SPOPL: variants seen among roughly 807,000 people sequenced by gnomAD.
The protein encoded by SPOPL is speckle-type POZ protein-like.
SPOPL carries 23 observed loss-of-function variants against 53.8 expected under a neutral mutation model. The observed-to-expected ratio is 0.43, with a 90% CI of 0.31 to 0.61. The LOEUF is 0.61. SPOPL is among the 20% of genes least tolerant of loss of function. The pLI is 0.12. For synonymous variants in SPOPL, 164 were observed against 149.7 expected, an observed-to-expected ratio of 1.10 and a Z score of -0.70; for missense variants, 442 against 466.9, an observed-to-expected ratio of 0.95 and a Z score of 0.49.
chr2:138,508,058 T>C (rs544430514), intron 1 of SPOPL, among the ~76,000 whole-genome samples: 2 of 152,288 alleles, frequency 1.3e-5, no homozygotes, highest in East Asian at 1.9e-4. Context: ...ACCTTGGGTA[T>C]ATGGTCAATG....
At chr2:138,527,001 C>T (rs369840449) in intron 1 of SPOPL, among the ~76,000 whole-genome samples, 1 of 152,170 alleles carries the variant, frequency 6.6e-6, no homozygotes, top group African/African-American at 2.4e-5. Flanking sequence ...GCAGGGATTA[C>T]AGGCAGCAGC....
intron 5 of SPOPL, among the ~76,000 whole-genome samples, chr2:138,554,067 T>C (rs867134828): frequency 0.052 from 54 of 1,038 alleles, no homozygotes; most frequent in African/African-American, 0.085. Context: ...AGAAAATACC[T>C]TTTTTTTTTT....
chr2:138,551,630 A>C (rs564933816), intron 4 of SPOPL, among the ~76,000 whole-genome samples: 38 of 152,180 alleles, frequency 2.5e-4, no homozygotes, highest in Non-Finnish European at 5.0e-4. Context: ...GTGTGGCAGG[A>C]GAATAATATT....
At chr2:138,510,694 A>G (rs1278501937) in intron 1 of SPOPL, among the ~76,000 whole-genome samples, 3 of 152,210 alleles carry the variant, frequency 2.0e-5, no homozygotes, top group Non-Finnish European at 4.4e-5. Flanking sequence ...ACATTAAAGT[A>G]TAATTAAGTG....
intron 1 of SPOPL, among the ~76,000 whole-genome samples, chr2:138,527,816 T>A (rs949393722): frequency 6.6e-6 from 1 of 152,168 alleles, no homozygotes; most frequent in Non-Finnish European, 1.5e-5. Context: ...GTTGTGTAGA[T>A]CTGTTTCCCC....
chr2:138,558,114 T>A (rs1478021885), intron 5 of SPOPL, among the ~76,000 whole-genome samples: 1 of 152,110 alleles, frequency 6.6e-6, no homozygotes, highest in Non-Finnish European at 1.5e-5. Context: ...TGAGCCGAGA[T>A]CACTCCACTG....
intron 1 of SPOPL, among the ~76,000 whole-genome samples, chr2:138,549,077 C>T (rs1685257399): frequency 6.6e-6 from 1 of 151,968 alleles, no homozygotes. Context: ...CTGTTCAAGT[C>T]TCCTATTTCT....
chr2:138,545,734 C>T (rs572179210), intron 1 of SPOPL, among the ~76,000 whole-genome samples: 21 of 152,254 alleles, frequency 1.4e-4, no homozygotes, highest in South Asian at 4.1e-4. Context: ...CCACCGCGCC[C>T]GGCCAGCTGT....
At chr2:138,509,579 T>TA (rs1480629774) in intron 1 of SPOPL, among the ~76,000 whole-genome samples, 1 of 150,696 alleles carries the variant, frequency 6.6e-6, no homozygotes, top group Non-Finnish European at 1.5e-5. Flanking sequence ...ACCCCCCAGT[T>TA]AGGTGATTTT....
chr2:138,549,908 G>T (rs1339948853), intron 1 of SPOPL, among the ~76,000 whole-genome samples: 2 of 151,822 alleles, frequency 1.3e-5, no homozygotes, highest in Non-Finnish European at 2.9e-5. Flanking sequence ...TTTAAAATTT[G>T]TGATTTTTTG....
chr2:138,504,728 G>T (rs143567583), intron 1 of SPOPL, among the ~76,000 whole-genome samples: 1 of 152,088 alleles, frequency 6.6e-6, no homozygotes, highest in Non-Finnish European at 1.5e-5. Context: ...TACTAGCTAC[G>T]TACCGTTCTT....
At chr2:138,534,750 C>A (rs1173377104) in intron 1 of SPOPL, among the ~76,000 whole-genome samples, 1 of 152,132 alleles carries the variant, frequency 6.6e-6, no homozygotes, top group Admixed American at 6.6e-5. Flanking sequence ...AACTCCATAA[C>A]CAATTACTTA....
intron 1 of SPOPL, among the ~76,000 whole-genome samples, chr2:138,514,709 C>G (rs1292721116): frequency 6.6e-6 from 1 of 152,052 alleles, no homozygotes; most frequent in Non-Finnish European, 1.5e-5. Flanking sequence ...TGTGCATTTC[C>G]CTGGGTAATG....
At chr2:138,518,249 GAGA>G (rs1358280182) in intron 1 of SPOPL, among the ~76,000 whole-genome samples, 3 of 151,990 alleles carry the variant, frequency 2.0e-5, no homozygotes, top group Non-Finnish European at 4.4e-5. Context: ...TGAGAGAAGG[GAGA>G]AGGAGAGAAC....
chr2:138,562,783 CAAAAAAAA>C (rs35397774), intron 8 of SPOPL, among the ~76,000 whole-genome samples: 2 of 64,138 alleles, frequency 3.1e-5, no homozygotes, highest in African/African-American at 1.0e-4. Flanking sequence ...GATTCCATCT[CAAAAAAAA>C]AAAAAAAAAA....
chr2:138,543,063 C>T (rs1355381367), intron 1 of SPOPL, among the ~76,000 whole-genome samples: 2 of 152,126 alleles, frequency 1.3e-5, no homozygotes, highest in Non-Finnish European at 2.9e-5. Context: ...GAATATTGGC[C>T]CCCACTTTCT....
intron 4 of SPOPL, among the ~76,000 whole-genome samples, chr2:138,552,021 G>A (rs984012110): frequency 1.3e-5 from 2 of 151,944 alleles, no homozygotes; most frequent in Admixed American, 1.3e-4. Context: ...AATGATAAAG[G>A]ACTTTCTTTA....
intron 1 of SPOPL, among the ~76,000 whole-genome samples, chr2:138,503,449 A>G (rs1684149530): frequency 6.6e-6 from 1 of 152,208 alleles, no homozygotes; most frequent in South Asian, 2.1e-4. Flanking sequence ...TCTTGGTTTG[A>G]CTTGATCTGG....
intron 2 of SPOPL, 87 bp downstream of exon 2, chr2:138,550,381 G>T: frequency 6.3e-7 from 1 of 1,584,780 alleles, no homozygotes; most frequent in South Asian, 1.1e-5. Context: ...CTTTGCCATA[G>T]TTATTAGAAG....
Sources: allele counts gnomAD v4.1 joint callset (sites outside exome capture counted in the v4.1 genomes callset), GRCh38; gene constraint gnomAD v4.1.1; transcripts MANE v1.5; gene names NCBI Gene and HGNC (gene_info 2026-07-23, HGNC 2026-07-21).